The following RFX7 variants were observed in gnomAD, a reference collection of about 807,000 sequenced individuals.
The protein encoded by RFX7 is regulatory factor X7.
In RFX7, 26 loss-of-function variants were observed where a neutral mutation model predicts 111.8. That is an observed-to-expected ratio of 0.23 (90% CI 0.17 to 0.32). The LOEUF is 0.32. RFX7 is among the 10% of genes least tolerant of loss of function. The pLI, the probability that RFX7 is intolerant of heterozygous loss-of-function variation, is 1.00. For synonymous variants in RFX7, 624 were observed against 624.4 expected, an observed-to-expected ratio of 1.00 and a Z score of 0.01; for missense variants, 1,573 against 1,772.9, an observed-to-expected ratio of 0.89 and a Z score of 2.02.
At chr15:56,192,446 T>G in intron 2 of RFX7, 2 of 215,064 alleles carry the variant, frequency 9.3e-6, no homozygotes, top group Non-Finnish European at 2.0e-5. Context: ...TGGGGTTCTT[T>G]GTATCTATTT....
chr15:56,178,960 C>G (rs2141129920), intron 3 of RFX7: 1 of 157,182 alleles, frequency 6.4e-6, no homozygotes, highest in East Asian at 1.9e-4. Context: ...TAAACAAATT[C>G]TCAGAGTTAT....
chr15:56,166,093 G>T (rs1235170200), intron 3 of RFX7, among the ~76,000 whole-genome samples: 2 of 152,072 alleles, frequency 1.3e-5, no homozygotes, highest in African/African-American at 4.8e-5. Context: ...GTAGAGATGG[G>T]ATCTCCCTAT....
In RFX7 at chr15:56,087,451, T is replaced by A. The variant is rs1236715524; in HGVS notation, c.*5894A>T. 1 of 456,702 alleles carries A rather than the reference T, an allele frequency of 2.2e-6. No homozygotes were observed. The highest frequency in any genetic ancestry group is 1.5e-5 in the South Asian group (1 of 64,570). The allele number at this position is 456,702 out of a possible 1,614,324, so 28.3% of individuals were successfully genotyped here. A position where few individuals can be genotyped will look rare whatever the true frequency, so the allele number is the denominator to read the frequency against. On this transcript the variant is annotated 3_prime_UTR_variant, in exon 10 of 10. Coordinates refer to ENST00000559447, the MANE Select transcript of RFX7 (RefSeq NM_022841.7). ...TCTTTAACATGAAGTCCAGGAGGGC[T>A]GCTTGAGTTCTAGCCATCACATTTG...
At chr15:56,239,514 G>A (rs1316712894) in intron 2 of RFX7, among the ~76,000 whole-genome samples, 1 of 151,962 alleles carries the variant, frequency 6.6e-6, no homozygotes, top group African/African-American at 2.4e-5. Context: ...TGATCCGCCC[G>A]CCTCAGCCTC....
At position 56,164,636 on chromosome 15, in the gene RFX7, T is replaced by C. The variant is rs372636356; in HGVS notation, c.195+14634A>G. On this transcript the variant is annotated intron_variant, in intron 3 of 9. Transcript: ENST00000559447. The stretch of plus-strand genomic sequence containing the variant: ...CTTCCTACCAACAGACTGCTTGCAC[T>C]GCCTTCCTTTGCCTGATTTTAACTA... 1.3e-5 allele frequency among the ~76,000 whole-genome samples: 2 copies of C among 152,332 alleles called. 1 individual carries two copies.
At chr15:56,136,077 T>A (rs1275520606) in intron 5 of RFX7, among the ~76,000 whole-genome samples, 1 of 152,128 alleles carries the variant, frequency 6.6e-6, no homozygotes, top group African/African-American at 2.4e-5. Context: ...TCTTTTGGAT[T>A]AGGATTGACT....
upstream of RFX7, among the ~76,000 whole-genome samples, chr15:56,244,896 C>T (rs1477836053): frequency 3.3e-5 from 5 of 151,352 alleles, no homozygotes; most frequent in Admixed American, 6.6e-5. Flanking sequence ...GAAGAATTGG[C>T]TTTTCTAGGT....
At chr15:56,220,595 A>T (rs999438557) in intron 2 of RFX7, among the ~76,000 whole-genome samples, 2 of 152,094 alleles carry the variant, frequency 1.3e-5, no homozygotes, top group African/African-American at 4.8e-5. Context: ...CCTTTGTCAG[A>T]TGCATAGTTT....
intron 5 of RFX7, among the ~76,000 whole-genome samples, chr15:56,140,224 G>A (rs1209880642): frequency 6.6e-5 from 10 of 152,184 alleles, no homozygotes; most frequent in Middle Eastern, 3.4e-3. Flanking sequence ...CCTCGCTGTC[G>A]CCTTGCAGTT....
intron 5 of RFX7, among the ~76,000 whole-genome samples, chr15:56,122,162 G>C (rs1211662097): frequency 2.0e-5 from 3 of 152,038 alleles, no homozygotes; most frequent in Admixed American, 6.5e-5. Flanking sequence ...CATCCTACTG[G>C]GAAAGACTTT....
intron 5 of RFX7, among the ~76,000 whole-genome samples, chr15:56,137,878 T>C (rs1244338847): frequency 6.6e-6 from 1 of 151,992 alleles, no homozygotes; most frequent in Non-Finnish European, 1.5e-5. Context: ...ATGTACCCAG[T>C]AGTCATTCAG....
intron 2 of RFX7, among the ~76,000 whole-genome samples, chr15:56,217,082 C>G (rs1472740355): frequency 6.6e-6 from 1 of 152,092 alleles, no homozygotes; most frequent in Non-Finnish European, 1.5e-5. Flanking sequence ...AAACTATATG[C>G]TTCACCTATA....
chr15:56,165,324 C>T (rs958812596), intron 3 of RFX7, among the ~76,000 whole-genome samples: 1 of 152,160 alleles, frequency 6.6e-6, no homozygotes, highest in Non-Finnish European at 1.5e-5. Flanking sequence ...TTACTATATT[C>T]CCCTGCAAGA....
chr15:56,146,008 C>G (rs2042463073), intron 3 of RFX7, among the ~76,000 whole-genome samples: 1 of 152,176 alleles, frequency 6.6e-6, no homozygotes, highest in Non-Finnish European at 1.5e-5. Flanking sequence ...TTTAATGACA[C>G]TTAAATTTCT....
intron 5 of RFX7, among the ~76,000 whole-genome samples, chr15:56,104,798 T>TC (rs1555416971): frequency 6.6e-6 from 1 of 151,972 alleles, no homozygotes; most frequent in Non-Finnish European, 1.5e-5. Flanking sequence ...TGCATACCCC[T>TC]GGGGTTAAAA....
chr15:56,197,315 G>T (rs1162858611), intron 2 of RFX7, among the ~76,000 whole-genome samples: 1 of 151,866 alleles, frequency 6.6e-6, no homozygotes, highest in Non-Finnish European at 1.5e-5. Flanking sequence ...GCGGCATGTT[G>T]CTTTTTTTAA....
At position 56,096,238 on chromosome 15, in the gene RFX7, C is replaced by A; in HGVS notation, c.1490G>T (p.Ser497Ile). The change falls in exon 10 of 10, where the codon AGT becomes ATT. Residue 497 changes from serine to isoleucine, a missense_variant. By Grantham distance (142) the Ser-to-Ile change is moderately radical (BLOSUM62 -2). Coordinates refer to ENST00000559447, the MANE Select transcript of RFX7 (RefSeq NM_022841.7). ...TPLKHSASVS[S>I]ATGTTEESRS... ...TGATTCTTCTGTTGTTCCTGTAGCACTGCTGACTGAGGCAGAATGTTTAAG... is the reference window on the plus strand; with the variant it reads ...TGATTCTTCTGTTGTTCCTGTAGCAATGCTGACTGAGGCAGAATGTTTAAG... The A allele has an allele frequency of 6.2e-7, 1 of 1,613,994 alleles. No individual in the cohort carries two copies. Among genetic ancestry groups the A allele is most frequent in the Non-Finnish European group, 8.5e-7 (1 of 1,179,878 alleles).
intron 5 of RFX7, among the ~76,000 whole-genome samples, chr15:56,141,435 TA>T (rs2141021654): frequency 6.6e-6 from 1 of 151,908 alleles, no homozygotes. Flanking sequence ...CCTCATTTTA[TA>T]GATGAACCAA....
intron 5 of RFX7, among the ~76,000 whole-genome samples, chr15:56,108,610 C>T (rs2041863288): frequency 6.6e-6 from 1 of 152,118 alleles, no homozygotes; most frequent in Non-Finnish European, 1.5e-5. Context: ...TGGGCAAAAG[C>T]TGGAAGCATT....
Sources: gnomAD v4.1 joint callset for allele counts (sites outside exome capture counted in the v4.1 genomes callset) on GRCh38, gnomAD v4.1.1 for gene constraint, MANE v1.5 for transcripts, NCBI Gene and HGNC (gene_info 2026-07-23, HGNC 2026-07-21) for gene names.